The following NBEA variants were observed in gnomAD, a reference collection of about 807,000 sequenced individuals.
The protein encoded by NBEA is lysosomal-trafficking regulator 2.
NBEA carries 44 observed loss-of-function variants against 343.4 expected under a neutral mutation model. The observed-to-expected ratio is 0.13, with a 90% CI of 0.10 to 0.16. The LOEUF is 0.16. Among genes scored for constraint, NBEA ranks in the 10% least tolerant of loss-of-function variants. NBEA has a pLI of 1.00. For synonymous variants in NBEA, 1,175 were observed against 1,238.7 expected, an observed-to-expected ratio of 0.95 and a Z score of 1.08; for missense variants, 2,555 against 3,631.3, an observed-to-expected ratio of 0.70 and a Z score of 7.62.
chr13:35,069,974 G>C lies in NBEA; in HGVS notation c.1306G>C (p.Asp436His). Residue 436 changes from aspartate (D) to histidine (H), a missense_variant, in exon 9 of 59, where the codon GAT (aspartate) becomes CAT (histidine). By Grantham distance (81) the Asp-to-His change is moderately conservative (BLOSUM62 -1). This residue lies in a region of NBEA where 75 missense variants were observed against 237.4 expected (regional missense o/e 0.32). Transcript: ENST00000379939. ...LAEHHKQVLYDGKLASSIAFT... is the reference protein window; with the variant it reads ...LAEHHKQVLYHGKLASSIAFT... ...AGAACATCATAAACAGGTGTTATAT[G>C]ATGGGAAACTTGCAAGTAGCATTGC... 1 of 1,605,510 alleles carries C rather than the reference G, an allele frequency of 6.2e-7. No homozygotes were observed. The highest frequency in any genetic ancestry group is 1.1e-5 in the South Asian group (1 of 90,146).
chr13:35,407,754 A>G (rs1290603976), intron 38 of NBEA, among the ~76,000 whole-genome samples: 2 of 152,306 alleles, frequency 1.3e-5, no homozygotes, highest in South Asian at 4.1e-4. Context: ...ATGAACTCCC[A>G]TTCACAATTG....
chr13:35,032,493 G>T (rs933667166), intron 1 of NBEA, among the ~76,000 whole-genome samples: 1 of 151,406 alleles, frequency 6.6e-6, no homozygotes. Context: ...TTTTTTAGTG[G>T]GGTTTTTTTT....
chr13:35,194,632 G>A (rs2072450307), intron 30 of NBEA, among the ~76,000 whole-genome samples: 1 of 151,974 alleles, frequency 6.6e-6, no homozygotes, highest in African/African-American at 2.4e-5. Flanking sequence ...TAGCTTAATG[G>A]TATCTTACTT....
At chr13:35,541,076 T>A (rs776824362) in intron 41 of NBEA, among the ~76,000 whole-genome samples, 7 of 152,176 alleles carry the variant, frequency 4.6e-5, no homozygotes, top group Non-Finnish European at 8.8e-5. Context: ...ATGTGAGTTA[T>A]GAGATCTCGC....
At chr13:35,326,952 C>G (rs1202588528) in intron 36 of NBEA, among the ~76,000 whole-genome samples, 1 of 151,696 alleles carries the variant, frequency 6.6e-6, no homozygotes, top group East Asian at 1.9e-4. Flanking sequence ...AACAAATAGC[C>G]CAATTTAAAA....
At chr13:35,360,821 G>A (rs1007240118) in intron 38 of NBEA, among the ~76,000 whole-genome samples, 5 of 151,882 alleles carry the variant, frequency 3.3e-5, no homozygotes, top group African/African-American at 1.2e-4. Flanking sequence ...ATCAGATTGA[G>A]GGAAAAATTA....
chr13:35,276,151 A>AT (rs1394263701), intron 34 of NBEA, among the ~76,000 whole-genome samples: 1 of 152,174 alleles, frequency 6.6e-6, no homozygotes, highest in African/African-American at 2.4e-5. Flanking sequence ...TGATATGGTG[A>AT]TTAGAAGACA....
At chr13:35,081,528 C>A (rs1348200631) in intron 10 of NBEA, among the ~76,000 whole-genome samples, 2 of 143,316 alleles carry the variant, frequency 1.4e-5, no homozygotes, top group East Asian at 2.0e-4. Context: ...GATGGGCAAG[C>A]TTTTTTTTTT....
rs762992089 is a variant in NBEA at position 34,943,021 on chromosome 13, C to T, written c.201C>T (p.Ile67=). 1.4e-5 allele frequency: 23 copies of T among 1,612,798 alleles called. No individual in the cohort carries two copies. The highest frequency in any genetic ancestry group is 1.8e-5 in the Non-Finnish European group (21 of 1,179,484). The stretch of plus-strand genomic sequence containing the variant: ...GGATGATTAACCCTTCGGTGCCGAT[C>T]CGCAACATCCGGATGAAATTCGCAG... The part of the protein sequence containing the change: ...PAGMINPSVP[I]RNIRMKFAVL... Residue 67 remains isoleucine (I), a synonymous_variant, in exon 1 of 59, where the codon ATC becomes ATT. Transcript: ENST00000379939.
At chr13:35,447,113 C>T (rs935064527) in intron 39 of NBEA, among the ~76,000 whole-genome samples, 2 of 151,978 alleles carry the variant, frequency 1.3e-5, no homozygotes, top group Non-Finnish European at 2.9e-5. Context: ...TTATATTTAT[C>T]AATAGAAAAG....
intron 41 of NBEA, among the ~76,000 whole-genome samples, chr13:35,491,394 G>A (rs2076493963): frequency 6.6e-6 from 1 of 151,834 alleles, no homozygotes; most frequent in Admixed American, 6.6e-5. Context: ...ATGTTCAGTG[G>A]TCTTCTCCAC....
chr13:35,137,504 A>T (rs117277358), intron 17 of NBEA, among the ~76,000 whole-genome samples: 6,972 of 151,934 alleles, frequency 0.046, 240 homozygotes, highest in Non-Finnish European at 0.068. Context: ...AGTTTTAAAA[A>T]TTTTTTTATT....
chr13:35,213,511 G>A (rs866720275), intron 33 of NBEA, among the ~76,000 whole-genome samples: 2 of 152,008 alleles, frequency 1.3e-5, no homozygotes, highest in Middle Eastern at 3.4e-3. Context: ...CATAAGTAAT[G>A]GAGTATTTGG....
rs1555262949 is a variant in NBEA at position 35,429,834 on chromosome 13, T to TGTGTGTGTGTAC, written c.6180-2435_6180-2434insGTGTGTGTGTAC. Among the ~76,000 whole-genome samples, 440 of 148,466 alleles carry TGTGTGTGTGTAC rather than the reference T, an allele frequency of 3.0e-3. 3 individuals are homozygous for TGTGTGTGTGTAC. Among genetic ancestry groups the TGTGTGTGTGTAC allele is most frequent in the African/African-American group, 8.4e-3 (336 of 39,968 alleles). On this transcript the variant is annotated intron_variant, in intron 38 of 58. Coordinates refer to ENST00000379939, the MANE Select transcript of NBEA (RefSeq NM_001385012.1). Reference sequence around the variant, plus strand: ...GTGTGTGTGTGTGTGTGTGTGTGTGTACACACATTTTCTTTATCCACTCAC... The same window carrying TGTGTGTGTGTAC: ...GTGTGTGTGTGTGTGTGTGTGTGTGTGTGTGTGTGTACACACACATTTTCTTTATCCACTCAC...
At chr13:34,958,092 C>T (rs1220377161) in intron 1 of NBEA, among the ~76,000 whole-genome samples, 10 of 151,586 alleles carry the variant, frequency 6.6e-5, no homozygotes, top group Non-Finnish European at 1.3e-4. Flanking sequence ...AGATATATTG[C>T]CTTTAGGTTA....
intron 18 of NBEA, among the ~76,000 whole-genome samples, chr13:35,152,883 T>C (rs2068885478): frequency 6.6e-6 from 1 of 152,090 alleles, no homozygotes; most frequent in East Asian, 1.9e-4. Context: ...TAGTGGGGGT[T>C]TGGGGTTACT....
At chr13:35,584,840 A>G (rs1423587603) in intron 46 of NBEA, among the ~76,000 whole-genome samples, 1 of 151,530 alleles carries the variant, frequency 6.6e-6, no homozygotes, top group East Asian at 2.0e-4. Context: ...TTTGTTCCCC[A>G]CGCTGGTCTC....
At chr13:35,399,471 A>G (rs1269916518) in intron 38 of NBEA, among the ~76,000 whole-genome samples, 1 of 152,072 alleles carries the variant, frequency 6.6e-6, no homozygotes, top group Non-Finnish European at 1.5e-5. Flanking sequence ...TTATAAAACC[A>G]TCAGGTTTCA....
intron 1 of NBEA, among the ~76,000 whole-genome samples, chr13:35,018,103 G>A (rs1034799735): frequency 1.3e-5 from 2 of 152,092 alleles, no homozygotes; most frequent in Non-Finnish European, 2.9e-5. Context: ...TTCTGTTAAT[G>A]TGTATGTCTA....
Sources: allele counts gnomAD v4.1 joint callset (sites outside exome capture counted in the v4.1 genomes callset), GRCh38; gene constraint gnomAD v4.1.1; regional missense constraint gnomAD v4.1.1; transcripts MANE v1.5; gene names NCBI Gene and HGNC (gene_info 2026-07-23, HGNC 2026-07-21).